Variants in COLGALT2 observed in about 807,000 individuals in gnomAD.
COLGALT2 encodes procollagen galactosyltransferase 2.
A neutral mutation model predicts 73.4 loss-of-function variants in COLGALT2; 49 were observed. The observed-to-expected ratio is 0.67, with a 90% CI of 0.53 to 0.85. COLGALT2 has a LOEUF of 0.85. Among genes scored for constraint, COLGALT2 ranks in the 40% least tolerant of loss-of-function variants. The pLI is 0.00. For missense variants in COLGALT2, 722 were observed against 790.2 expected (o/e 0.91, Z 1.03); for synonymous variants, 295 against 307.6 (o/e 0.96, Z 0.43).
intron 1 of COLGALT2, among the ~76,000 whole-genome samples, chr1:184,021,812 A>G (rs964808265): frequency 6.6e-6 from 1 of 152,242 alleles, no homozygotes; most frequent in African/African-American, 2.4e-5. Flanking sequence ...AGCTCTTTGA[A>G]TGTCAAAGTG....
rs1284437930 is a variant in COLGALT2, at chr1:184,037,396, G to A, written c.-39C>T. On this transcript the variant is annotated 5_prime_UTR_variant, in exon 1 of 12. Transcript: ENST00000361927. ...GCGGGCGGCGGGGAAGTCCTGGCGC[G>A]AGCGCCCGGCTGGGCTGCCTGAGGG... 3 of 1,342,702 alleles carry A rather than the reference G, an allele frequency of 2.2e-6. No individual in the cohort carries two copies. The highest frequency in any genetic ancestry group is 2.9e-6 in the Non-Finnish European group (3 of 1,049,432). The allele number at this position is 1,342,702 out of a possible 1,614,324, so 83.2% of individuals were successfully genotyped here.
chr1:183,963,265 G>C (rs1670767262), intron 6 of COLGALT2, among the ~76,000 whole-genome samples: 1 of 152,110 alleles, frequency 6.6e-6, no homozygotes, highest in Admixed American at 6.5e-5. Context: ...GAATGATCTA[G>C]GGCAAGTTAC....
intron 1 of COLGALT2, among the ~76,000 whole-genome samples, chr1:184,035,563 A>G (rs1472922166): frequency 2.6e-5 from 4 of 152,224 alleles, no homozygotes; most frequent in Non-Finnish European, 5.9e-5. Flanking sequence ...AGTTTACTGT[A>G]TGATAAAAAG....
At chr1:183,952,509 CAGTCTGG>C (rs1264057849) in intron 7 of COLGALT2, among the ~76,000 whole-genome samples, 1 of 152,170 alleles carries the variant, frequency 6.6e-6, no homozygotes, top group Admixed American at 6.5e-5. Context: ...GTCTTAGAAC[CAGTCTGG>C]AGTTCAGATT....
intron 1 of COLGALT2, among the ~76,000 whole-genome samples, chr1:183,997,452 T>C (rs1671799466): frequency 6.6e-6 from 1 of 152,186 alleles, no homozygotes. Flanking sequence ...TTAATTCCCT[T>C]AGTATTTTTT....
intron 1 of COLGALT2, among the ~76,000 whole-genome samples, chr1:184,022,284 C>G (rs749765794): frequency 3.3e-5 from 5 of 151,940 alleles, no homozygotes; most frequent in Non-Finnish European, 7.4e-5. Flanking sequence ...AACTAAGGAG[C>G]CTGAAGAAAG....
chr1:183,985,134 C>A (rs1671453564), intron 1 of COLGALT2, among the ~76,000 whole-genome samples: 1 of 152,170 alleles, frequency 6.6e-6, no homozygotes, highest in Admixed American at 6.5e-5. Flanking sequence ...AGAACTGACT[C>A]ATTTATTTTG....
chr1:184,020,082 T>C (rs1291575112), intron 1 of COLGALT2, among the ~76,000 whole-genome samples: 1 of 152,186 alleles, frequency 6.6e-6, no homozygotes, highest in Non-Finnish European at 1.5e-5. Flanking sequence ...GTCTAAGTGG[T>C]ATGTTTTGTC....
chr1:184,000,602 C>T (rs79947748), intron 1 of COLGALT2, among the ~76,000 whole-genome samples: 3,008 of 140,724 alleles, frequency 0.021, 110 homozygotes, highest in African/African-American at 0.075. Flanking sequence ...AATTTAAGAT[C>T]CACCCACGTG....
At chr1:183,975,048 G>T in intron 3 of COLGALT2, 49 bp downstream of exon 3, 1 of 1,346,250 alleles carries the variant, frequency 7.4e-7, no homozygotes, top group Non-Finnish European at 1.1e-6. Flanking sequence ...CGACTGATTT[G>T]GATACACCTG....
At chr1:183,944,139 A>G in intron 10 of COLGALT2, 57 bp downstream of exon 10, 3 of 1,536,176 alleles carry the variant, frequency 2.0e-6, no homozygotes, top group South Asian at 1.3e-5. Context: ...CTCTCTGCGC[A>G]TTGGAAAGGA....
At chr1:183,949,846 T>C (rs2102795111) in intron 8 of COLGALT2, among the ~76,000 whole-genome samples, 1 of 152,314 alleles carries the variant, frequency 6.6e-6, no homozygotes, top group African/African-American at 2.4e-5. Context: ...GATAAAGGAC[T>C]TGCATCCAGG....
intron 6 of COLGALT2, among the ~76,000 whole-genome samples, chr1:183,958,091 A>C (rs1670601152): frequency 6.6e-6 from 1 of 152,156 alleles, no homozygotes; most frequent in South Asian, 2.1e-4. Context: ...CGAAGGCAGC[A>C]CATCCCCAAA....
At chr1:184,021,244 T>G (rs1052456449) in intron 1 of COLGALT2, among the ~76,000 whole-genome samples, 1 of 152,170 alleles carries the variant, frequency 6.6e-6, no homozygotes, top group African/African-American at 2.4e-5. Flanking sequence ...AAAAACTCAT[T>G]AAAGCTTTCT....
chr1:183,936,161 G>A lies in COLGALT2; in HGVS notation c.*2600C>T. The A allele has an allele frequency of 1.0e-6, 1 of 985,634 alleles. No individual in the cohort carries two copies. Among genetic ancestry groups the A allele is most frequent in the African/African-American group, 1.7e-5 (1 of 57,382 alleles). The allele number at this position is 985,634 out of a possible 1,614,324, so 61.1% of individuals were successfully genotyped here. ...TCCAGAGGCAGAGAGCGGGTGCCAG[G>A]CCCAGATGCAAAGGCCTCTATACTG... On this transcript the variant is annotated 3_prime_UTR_variant, in exon 12 of 12. Coordinates refer to ENST00000361927, the MANE Select transcript of COLGALT2 (RefSeq NM_015101.4).
At chr1:183,965,184 A>AGC (rs1166201465) in intron 5 of COLGALT2, among the ~76,000 whole-genome samples, 1 of 152,196 alleles carries the variant, frequency 6.6e-6, no homozygotes, top group East Asian at 1.9e-4. Flanking sequence ...GTTTGCCCAT[A>AGC]TGAATGCTTC....
At chr1:184,005,028 C>T (rs1466895552) in intron 1 of COLGALT2, among the ~76,000 whole-genome samples, 1 of 152,202 alleles carries the variant, frequency 6.6e-6, no homozygotes, top group Non-Finnish European at 1.5e-5. Context: ...GAAACTGGGG[C>T]CAGGAGGCCC....
At chr1:184,036,846 T>G (rs1649695880) in intron 1 of COLGALT2, among the ~76,000 whole-genome samples, 1 of 152,090 alleles carries the variant, frequency 6.6e-6, no homozygotes, top group Non-Finnish European at 1.5e-5. Flanking sequence ...CCTCCAGAGC[T>G]CCAGCGGTCC....
chr1:183,966,167 T>A (rs149735024), intron 5 of COLGALT2, among the ~76,000 whole-genome samples: 8 of 152,306 alleles, frequency 5.3e-5, no homozygotes, highest in African/African-American at 1.9e-4. Flanking sequence ...ATATGAATAC[T>A]TTCAACCATG....
Sources: gnomAD v4.1 joint callset for allele counts (sites outside exome capture counted in the v4.1 genomes callset) on GRCh38, gnomAD v4.1.1 for gene constraint, MANE v1.5 for transcripts, NCBI Gene and HGNC (gene_info 2026-07-23, HGNC 2026-07-21) for gene names.